CAMSAP2: variants seen among roughly 807,000 people sequenced by gnomAD.
CAMSAP2 encodes the protein calmodulin regulated spectrin associated protein family member 2.
In CAMSAP2, 26 loss-of-function variants were observed where a neutral mutation model predicts 146.1. The observed-to-expected ratio is 0.18, with a 90% CI of 0.13 to 0.25. The LOEUF (loss-of-function observed/expected upper bound fraction) is 0.25. CAMSAP2 is among the 10% of genes least tolerant of loss of function. The pLI is 1.00. For missense variants in CAMSAP2, 1,381 were observed against 1,759.3 expected (o/e 0.78, Z 3.85); for synonymous variants, 499 against 596.6 (o/e 0.84, Z 2.38).
At chr1:200,783,061 G>A (rs867352978) in intron 2 of CAMSAP2, among the ~76,000 whole-genome samples, 2 of 151,628 alleles carry the variant, frequency 1.3e-5, no homozygotes, top group South Asian at 2.1e-4. Flanking sequence ...CACTGCACCC[G>A]ACCTTATTTT....
chr1:200,806,725 T>G (rs1192218172), intron 2 of CAMSAP2, among the ~76,000 whole-genome samples: 1 of 151,398 alleles, frequency 6.6e-6, no homozygotes, highest in Non-Finnish European at 1.5e-5. Context: ...TAATGTTTTT[T>G]TTAGAACTTC....
At chr1:200,764,896 G>A (rs900453642) in intron 2 of CAMSAP2, among the ~76,000 whole-genome samples, 1 of 152,144 alleles carries the variant, frequency 6.6e-6, no homozygotes, top group Non-Finnish European at 1.5e-5. Context: ...CTGAGGTGAG[G>A]AGTTTGAGAC....
chr1:200,816,749 T>A (rs369541541), intron 4 of CAMSAP2, among the ~76,000 whole-genome samples: 4,496 of 108,384 alleles, frequency 0.041, 1,418 homozygotes, highest in East Asian at 0.11. Context: ...CACACACGCG[T>A]GTATATATGT....
At position 200,854,268 on chromosome 1, in the gene CAMSAP2, C is replaced by T. The variant is rs922203495; in HGVS notation, c.3824-549C>T. Among the ~76,000 whole-genome samples the T allele has an allele frequency of 1.8e-4, 28 of 152,210 alleles. 1 individual carries two copies. Among genetic ancestry groups the T allele is most frequent in the African/African-American group, 6.5e-4 (27 of 41,524 alleles). On this transcript the variant is annotated intron_variant, in intron 13 of 16. Transcript: ENST00000358823. ...AAGTGTTAGGATTACAGGTGTGAGT[C>T]ACTGCGCCTGGCCATACTCTTATTT...
intron 2 of CAMSAP2, among the ~76,000 whole-genome samples, chr1:200,789,610 ATTC>A (rs1214839691): frequency 1.3e-5 from 2 of 151,796 alleles, no homozygotes; most frequent in East Asian, 3.9e-4. Flanking sequence ...CTCTAACTTT[ATTC>A]TTCTCCTTCA....
At chr1:200,843,068 C>T (rs1164391566) in intron 7 of CAMSAP2, among the ~76,000 whole-genome samples, 1 of 151,874 alleles carries the variant, frequency 6.6e-6, no homozygotes, top group East Asian at 1.9e-4. Context: ...AAAGAACTTT[C>T]TTCCAGCATA....
At chr1:200,850,862 G>A (rs146587435) in intron 11 of CAMSAP2, among the ~76,000 whole-genome samples, 92 of 152,228 alleles carry the variant, frequency 6.0e-4, no homozygotes, top group Non-Finnish European at 1.0e-3. Context: ...AGCTCCAATT[G>A]AGTCTCTTTC....
In CAMSAP2 at chr1:200,816,966, G is replaced by A. The variant is rs62650678; in HGVS notation, c.645+1322G>A. 6.5e-3 allele frequency among the ~76,000 whole-genome samples: 133 copies of A among 20,442 alleles called. 29 individuals are homozygous for A. The highest frequency in any genetic ancestry group is 8.7e-3 in the Admixed American group (16 of 1,844). 13.4% of individuals were successfully genotyped at this position (20,442 alleles called of 152,430 possible). ...TATGTGTGTACACACACACGCGTGT[G>A]TATGTGTATATATCTACACATATAT... On this transcript the variant is annotated intron_variant, in intron 4 of 16. Transcript: ENST00000358823.
chr1:200,781,632 C>T (rs543684922), intron 2 of CAMSAP2, among the ~76,000 whole-genome samples: 2 of 152,150 alleles, frequency 1.3e-5, no homozygotes, highest in African/African-American at 4.8e-5. Context: ...TCCTCAACCT[C>T]CCGGGCTCAG....
intron 1 of CAMSAP2, among the ~76,000 whole-genome samples, chr1:200,741,669 A>G (rs965288319): frequency 6.6e-6 from 1 of 152,260 alleles, no homozygotes. Flanking sequence ...AAAAGCTTCC[A>G]GCTAGAAAAT....
chr1:200,764,193 A>G (rs1664879042), intron 2 of CAMSAP2, among the ~76,000 whole-genome samples: 1 of 152,140 alleles, frequency 6.6e-6, no homozygotes, highest in African/African-American at 2.4e-5. Context: ...TGCACTGAAT[A>G]TATTGCCCCC....
intron 2 of CAMSAP2, among the ~76,000 whole-genome samples, chr1:200,794,700 T>TAATC (rs1190504663): frequency 6.6e-6 from 1 of 152,218 alleles, no homozygotes. Context: ...GTGCCTGCCT[T>TAATC]AATCTGGCTC....
Position 200,852,612 on chromosome 1 carries a change from A to G in CAMSAP2, c.3537A>G (p.Glu1179=). 1 of 1,613,940 alleles carries G rather than the reference A, an allele frequency of 6.2e-7. No homozygotes were observed. Among genetic ancestry groups the G allele is most frequent in the Non-Finnish European group, 8.5e-7 (1 of 1,179,932 alleles). Residue 1179 remains glutamate, a synonymous_variant, in exon 12 of 17, where the codon GAA becomes GAG. Transcript: ENST00000358823. ...AALLEKRLRR[E]KETQLRKQQL... The stretch of plus-strand genomic sequence containing the variant: ...TGTTGGAGAAAAGATTAAGAAGGGA[A>G]AAGGAAACTCAGCTCCGGAAACAAC...
intron 2 of CAMSAP2, among the ~76,000 whole-genome samples, chr1:200,775,236 C>G (rs1665238869): frequency 6.6e-6 from 1 of 152,114 alleles, no homozygotes; most frequent in Admixed American, 6.5e-5. Flanking sequence ...CTTACTGGCT[C>G]TGATGTAAGA....
intron 4 of CAMSAP2, among the ~76,000 whole-genome samples, chr1:200,816,422 G>A (rs991352641): frequency 6.7e-6 from 1 of 150,100 alleles, no homozygotes; most frequent in Admixed American, 6.6e-5. Flanking sequence ...GTAAAACCCC[G>A]TCTCTACTAA....
intron 2 of CAMSAP2, among the ~76,000 whole-genome samples, chr1:200,789,864 C>T (rs768500861): frequency 1.3e-5 from 2 of 152,148 alleles, no homozygotes; most frequent in African/African-American, 4.8e-5. Context: ...AGATCTTATG[C>T]ATTTTTTTAG....
chr1:200,766,075 A>G (rs888067958), intron 2 of CAMSAP2, among the ~76,000 whole-genome samples: 1 of 152,166 alleles, frequency 6.6e-6, no homozygotes, highest in Non-Finnish European at 1.5e-5. Flanking sequence ...CTTAGTTTAA[A>G]TAATTATTGC....
intron 4 of CAMSAP2, among the ~76,000 whole-genome samples, chr1:200,817,497 A>G (rs557854919): frequency 6.6e-6 from 1 of 152,150 alleles, no homozygotes; most frequent in African/African-American, 2.4e-5. Context: ...GGAACCCTTT[A>G]AACATGTTGT....
At chr1:200,788,787 G>A (rs1392989845) in intron 2 of CAMSAP2, among the ~76,000 whole-genome samples, 7 of 150,842 alleles carry the variant, frequency 4.6e-5, no homozygotes, top group Admixed American at 4.6e-4. Context: ...GATTACAGGT[G>A]CCTGCCACCA....
Sources: gnomAD v4.1 joint callset for allele counts (sites outside exome capture counted in the v4.1 genomes callset) on GRCh38, gnomAD v4.1.1 for gene constraint, MANE v1.5 for transcripts, NCBI Gene and HGNC (gene_info 2026-07-23, HGNC 2026-07-21) for gene names.